The following BCL7C variants were observed in gnomAD, a reference collection of about 807,000 sequenced individuals.
BCL7C encodes the protein B-cell CLL/lymphoma 7 protein family member C.
BCL7C carries 8 observed loss-of-function variants against 26.2 expected under a neutral mutation model. The ratio of observed to expected loss-of-function variants is 0.30; its 90% CI spans 0.18 to 0.55. The LOEUF (loss-of-function observed/expected upper bound fraction) is 0.55, where lower values mean the gene tolerates loss of function less well. Ranked by LOEUF, BCL7C falls within the 20% of genes least tolerant of loss-of-function variation. The pLI is 0.93. For missense variants in BCL7C, 262 were observed against 298.5 expected (o/e 0.88, Z 0.90); for synonymous variants, 90 against 116.5 (o/e 0.77, Z 1.47).
chr16:30,858,833 C>T (rs527958248), intron 5 of BCL7C, among the ~76,000 whole-genome samples: 4 of 152,214 alleles, frequency 2.6e-5, no homozygotes, highest in Admixed American at 6.5e-5. Context: ...TAAAATGACT[C>T]GCATGACTAA....
At chr16:30,857,387 C>CA (rs71149059) in intron 5 of BCL7C, among the ~76,000 whole-genome samples, 112 of 90,280 alleles carry the variant, frequency 1.2e-3, no homozygotes, top group South Asian at 2.1e-3. Context: ...GACTCCATCT[C>CA]AAAAAAAAAA....
At chr16:30,855,341 C>T (rs1165010102) in intron 5 of BCL7C, among the ~76,000 whole-genome samples, 3 of 151,886 alleles carry the variant, frequency 2.0e-5, no homozygotes, top group South Asian at 2.1e-4. Flanking sequence ...TGGGTTCAAG[C>T]GATTTGTCTG....
downstream of BCL7C, among the ~76,000 whole-genome samples, chr16:30,885,117 T>C (rs2055111659): frequency 6.6e-6 from 1 of 152,158 alleles, no homozygotes; most frequent in South Asian, 2.1e-4. Context: ...GCACATGGGC[T>C]TTTGCAGGTG....
intron 5 of BCL7C, among the ~76,000 whole-genome samples, chr16:30,871,293 A>G (rs2054880101): frequency 6.6e-6 from 1 of 152,188 alleles, no homozygotes. Context: ...TTGAGGGTAC[A>G]CACTCTGAAG....
chr16:30,865,632 G>A (rs942156325), intron 5 of BCL7C, among the ~76,000 whole-genome samples: 2 of 151,752 alleles, frequency 1.3e-5, no homozygotes, highest in Admixed American at 6.6e-5. Flanking sequence ...GGTACTGGCA[G>A]TAGGACTCTA....
At chr16:30,868,985 T>G (rs1467832314) in intron 5 of BCL7C, among the ~76,000 whole-genome samples, 5 of 151,922 alleles carry the variant, frequency 3.3e-5, no homozygotes, top group Admixed American at 1.3e-4. Context: ...CCTCAAATGA[T>G]CCACCTGCCT....
At chr16:30,886,222 G>A (rs1346351589), downstream of BCL7C, among the ~76,000 whole-genome samples, 3 of 152,064 alleles carry the variant, frequency 2.0e-5, no homozygotes, top group Non-Finnish European at 4.4e-5. Flanking sequence ...TAAAAATAGG[G>A]CCAATATACA....
intron 5 of BCL7C, among the ~76,000 whole-genome samples, chr16:30,844,599 G>A (rs2054623329): frequency 6.6e-6 from 1 of 152,038 alleles, no homozygotes; most frequent in South Asian, 2.1e-4. Flanking sequence ...TTTTGATGGT[G>A]GCATTAATCT....
chr16:30,854,214 A>G (rs1460377814), intron 5 of BCL7C, among the ~76,000 whole-genome samples: 1 of 152,228 alleles, frequency 6.6e-6, no homozygotes. Context: ...TGGGATGAAT[A>G]TCACCAGTAA....
intron 5 of BCL7C, among the ~76,000 whole-genome samples, chr16:30,872,716 C>A (rs999752981): frequency 6.6e-6 from 1 of 152,162 alleles, no homozygotes; most frequent in African/African-American, 2.4e-5. Context: ...TTCCCCACCC[C>A]CTATCCTACT....
chr16:30,892,323 C>T (rs1262925660), intron 4 of BCL7C, among the ~76,000 whole-genome samples: 1 of 134,004 alleles, frequency 7.5e-6, no homozygotes, highest in African/African-American at 2.8e-5. Context: ...GCCCAACATT[C>T]AGGAAACTGA....
intron 5 of BCL7C, among the ~76,000 whole-genome samples, chr16:30,864,595 C>G (rs2054807574): frequency 6.6e-6 from 1 of 152,162 alleles, no homozygotes; most frequent in Non-Finnish European, 1.5e-5. Context: ...ATACCACCCC[C>G]AAAAATTTTC....
intron 5 of BCL7C, among the ~76,000 whole-genome samples, chr16:30,862,133 G>A (rs1458078734): frequency 6.6e-6 from 1 of 151,700 alleles, no homozygotes. Context: ...ACCGCGCCCG[G>A]CCTGGACAAC....
In BCL7C at chr16:30,838,619, C is replaced by T. The variant is rs2054583490; in HGVS notation, c.529-3471G>A. On this transcript the variant is annotated intron_variant, in intron 5 of 5. Coordinates refer to the BCL7C transcript ENST00000380317. ...CCAACATGGCGATACCCTGTCTCTA[C>T]TAAAAAAAATACAAAAAATTAGCAG... Among the ~76,000 whole-genome samples, 2 of 152,094 alleles carry T rather than the reference C, an allele frequency of 1.3e-5. 1 individual carries two copies. Among genetic ancestry groups the T allele is most frequent in the South Asian group, 4.1e-4 (2 of 4,824 alleles).
intron 5 of BCL7C, among the ~76,000 whole-genome samples, chr16:30,865,716 G>A (rs1007487972): frequency 3.6e-5 from 5 of 140,582 alleles, no homozygotes; most frequent in Non-Finnish European, 6.0e-5. Context: ...CATACATATG[G>A]CTTTTTTTTT....
chr16:30,845,667 G>A (rs1200171879), intron 5 of BCL7C, among the ~76,000 whole-genome samples: 1 of 152,076 alleles, frequency 6.6e-6, no homozygotes, highest in Non-Finnish European at 1.5e-5. Flanking sequence ...CTCAGCCCCG[G>A]GGATAGTAGC....
At chr16:30,861,145 G>A (rs1352054852) in intron 5 of BCL7C, among the ~76,000 whole-genome samples, 1 of 152,050 alleles carries the variant, frequency 6.6e-6, no homozygotes, top group Non-Finnish European at 1.5e-5. Flanking sequence ...TGGCCCGTTT[G>A]GCAATAACCC....
At chr16:30,878,503 C>T (rs2054988845) in intron 5 of BCL7C, among the ~76,000 whole-genome samples, 1 of 150,242 alleles carries the variant, frequency 6.7e-6, no homozygotes, top group African/African-American at 2.5e-5. Flanking sequence ...CGTGCCACTG[C>T]ACTCCAGCCT....
intron 5 of BCL7C, among the ~76,000 whole-genome samples, chr16:30,848,953 C>T (rs1262049326): frequency 1.3e-5 from 2 of 150,448 alleles, no homozygotes; most frequent in African/African-American, 2.4e-5. Context: ...TTTGAGAGGC[C>T]GAGGCGGGTG....
Sources: gnomAD v4.1 joint callset for allele counts (sites outside exome capture counted in the v4.1 genomes callset) on GRCh38, gnomAD v4.1.1 for gene constraint, MANE v1.5 for transcripts, NCBI Gene and HGNC (gene_info 2026-07-23, HGNC 2026-07-21) for gene names.